The following SYT1 variants were observed in gnomAD, a reference collection of about 807,000 sequenced individuals.
SYT1 encodes synaptotagmin 1, also known as synaptotagmin-1.
Under a neutral mutation model 44.8 loss-of-function variants are expected in SYT1, and 8 were observed. That is an observed-to-expected ratio of 0.18 (90% CI 0.10 to 0.32). The LOEUF (loss-of-function observed/expected upper bound fraction) is 0.32, where lower values mean the gene tolerates loss of function less well. Ranked by LOEUF, SYT1 falls within the 10% of genes least tolerant of loss-of-function variation. The probability of loss-of-function intolerance (pLI) is 1.00; values close to 1 mark genes in which losing one functional copy is unlikely to be tolerated. For missense variants in SYT1, 286 were observed against 509.3 expected, an observed-to-expected ratio of 0.56 and a Z score of 4.22; for synonymous variants, 154 against 188.8, an observed-to-expected ratio of 0.82 and a Z score of 1.51.
chr12:79,015,899 T>A (rs550079008), intron 2 of SYT1, among the ~76,000 whole-genome samples: 1 of 152,278 alleles, frequency 6.6e-6, no homozygotes, highest in Admixed American at 6.5e-5. Flanking sequence ...AAGGGGAGGT[T>A]AAATGACTTT....
At chr12:79,201,141 C>G (rs567680195) in intron 3 of SYT1, among the ~76,000 whole-genome samples, 2 of 152,058 alleles carry the variant, frequency 1.3e-5, no homozygotes, top group East Asian at 3.9e-4. Flanking sequence ...TGTAGTGGAA[C>G]ACCCATGCTA....
intron 8 of SYT1, among the ~76,000 whole-genome samples, chr12:79,310,738 G>A (rs1263074771): frequency 5.9e-5 from 9 of 152,296 alleles, no homozygotes; most frequent in East Asian, 1.9e-4. Flanking sequence ...CACGTCCCTC[G>A]TAAGTTGGAT....
At chr12:79,257,512 G>C (rs1206068829) in intron 4 of SYT1, among the ~76,000 whole-genome samples, 1 of 152,066 alleles carries the variant, frequency 6.6e-6, no homozygotes, top group Non-Finnish European at 1.5e-5. Context: ...ACGGAGTCTC[G>C]CTCTGTCGCC....
At chr12:79,000,565 C>G (rs1488667137) in intron 2 of SYT1, among the ~76,000 whole-genome samples, 3 of 152,132 alleles carry the variant, frequency 2.0e-5, no homozygotes, top group African/African-American at 7.2e-5. Flanking sequence ...TTCCAAAGTG[C>G]TGGGATTACA....
At chr12:79,327,100 T>C (rs1864565418) in intron 8 of SYT1, among the ~76,000 whole-genome samples, 1 of 151,998 alleles carries the variant, frequency 6.6e-6, no homozygotes, top group African/African-American at 2.4e-5. Flanking sequence ...TCTGTACCTC[T>C]TCATATGTTA....
chr12:79,039,634 T>TA (rs1184969866), intron 2 of SYT1, among the ~76,000 whole-genome samples: 2 of 151,536 alleles, frequency 1.3e-5, no homozygotes, highest in East Asian at 1.9e-4. Flanking sequence ...TTATTTTTTT[T>TA]ATTATACTTT....
intron 1 of SYT1, among the ~76,000 whole-genome samples, chr12:78,915,692 C>A (rs1565715463): frequency 6.6e-6 from 1 of 151,602 alleles, no homozygotes; most frequent in Non-Finnish European, 1.5e-5. Flanking sequence ...TACAATATTT[C>A]TTTTTTTTCT....
intron 9 of SYT1, among the ~76,000 whole-genome samples, chr12:79,425,290 A>T (rs1019246184): frequency 2.6e-5 from 4 of 152,086 alleles, no homozygotes; most frequent in African/African-American, 9.7e-5. Flanking sequence ...TCGATGTTTA[A>T]TAAACCTGAC....
At chr12:79,161,231 T>A (rs1346592704) in intron 3 of SYT1, among the ~76,000 whole-genome samples, 1 of 152,024 alleles carries the variant, frequency 6.6e-6, no homozygotes, top group Admixed American at 6.6e-5. Context: ...CAGAGTGAGA[T>A]CCTGTCTCAA....
chr12:79,105,317 T>C (rs1006384585), intron 3 of SYT1, among the ~76,000 whole-genome samples: 4 of 152,196 alleles, frequency 2.6e-5, no homozygotes, highest in African/African-American at 9.7e-5. Context: ...TAGCAACGTG[T>C]CCAGCACTAA....
chr12:78,889,003 G>A (rs1442567546), intron 1 of SYT1, among the ~76,000 whole-genome samples: 6 of 151,754 alleles, frequency 4.0e-5, no homozygotes, highest in East Asian at 1.9e-4. Context: ...TCCGAAACCC[G>A]TATTCTTTCC....
At chr12:79,152,899 G>T (rs1252591249) in intron 3 of SYT1, among the ~76,000 whole-genome samples, 2 of 148,862 alleles carry the variant, frequency 1.3e-5, no homozygotes, top group African/African-American at 5.0e-5. Flanking sequence ...AAAAGTAAGA[G>T]AAATTAAGAC....
intron 3 of SYT1, among the ~76,000 whole-genome samples, chr12:79,080,698 A>G (rs1209197692): frequency 2.0e-5 from 3 of 152,182 alleles, no homozygotes; most frequent in Admixed American, 6.6e-5. Context: ...ACACCAGACA[A>G]TTTTTAGACT....
intron 3 of SYT1, among the ~76,000 whole-genome samples, chr12:79,095,715 C>G (rs1878082079): frequency 6.6e-6 from 1 of 151,748 alleles, no homozygotes; most frequent in African/African-American, 2.4e-5. Context: ...TGTTAGTTGT[C>G]CCAGGGTCCC....
chr12:78,926,667 C>T (rs1248120902), intron 1 of SYT1: 1 of 151,884 alleles, frequency 6.6e-6, no homozygotes, highest in Non-Finnish European at 1.5e-5. Context: ...GAATCTTAAA[C>T]ATTTTTGGGA....
intron 8 of SYT1, among the ~76,000 whole-genome samples, chr12:79,331,610 G>A (rs1881858223): frequency 6.6e-6 from 1 of 151,954 alleles, no homozygotes; most frequent in Admixed American, 6.6e-5. Flanking sequence ...TTGTCCCTTT[G>A]CAGCATTTTT....
chr12:78,896,662 A>C (rs1235013602), intron 1 of SYT1, among the ~76,000 whole-genome samples: 2 of 151,822 alleles, frequency 1.3e-5, no homozygotes, highest in Non-Finnish European at 2.9e-5. Context: ...AGCAGTCAAC[A>C]ATATTTTCAT....
chr12:79,173,151 C>G (rs755509442), intron 3 of SYT1, among the ~76,000 whole-genome samples: 2 of 151,922 alleles, frequency 1.3e-5, no homozygotes, highest in African/African-American at 2.4e-5. Context: ...AAGTATCAAG[C>G]TGCTACAGAT....
intron 9 of SYT1, among the ~76,000 whole-genome samples, chr12:79,356,691 C>T (rs1343234606): frequency 1.3e-5 from 2 of 152,154 alleles, no homozygotes; most frequent in African/African-American, 2.4e-5. Flanking sequence ...CTCCATCTGC[C>T]ACTAACTAGC....
Sources: gnomAD v4.1 joint callset for allele counts (sites outside exome capture counted in the v4.1 genomes callset) on GRCh38, gnomAD v4.1.1 for gene constraint, MANE v1.5 for transcripts, NCBI Gene and HGNC (gene_info 2026-07-23, HGNC 2026-07-21) for gene names.